The following MGA variants were observed in gnomAD, a reference collection of about 807,000 sequenced individuals.
MGA encodes MAX gene-associated protein.
MGA carries 40 observed loss-of-function variants against 261.1 expected under a neutral mutation model. The ratio of observed to expected loss-of-function variants is 0.15; its 90% CI spans 0.12 to 0.20. MGA has a LOEUF of 0.20. MGA is among the 10% of genes least tolerant of loss of function. MGA has a pLI of 1.00. For missense variants in MGA, 3,397 were observed against 3,630.5 expected, an observed-to-expected ratio of 0.94 and a Z score of 1.65; for synonymous variants, 1,302 against 1,290.6, an observed-to-expected ratio of 1.01 and a Z score of -0.19.
chr15:41,680,530 G>C (rs910336357), intron 2 of MGA, among the ~76,000 whole-genome samples: 1 of 152,170 alleles, frequency 6.6e-6, no homozygotes, highest in African/African-American at 2.4e-5. Flanking sequence ...CTTTTCACCA[G>C]TTGGCTACAA....
chr15:41,669,065 A>C lies in MGA; in HGVS notation c.171A>C (p.Pro57=). The C allele has an allele frequency of 6.2e-7, 1 of 1,610,958 alleles. No individual in the cohort carries two copies. The highest frequency in any genetic ancestry group is 8.5e-7 in the Non-Finnish European group (1 of 1,177,216). ...CTTTGGCTAGTAGTGTGTCATCACC[A>C]GTAAAATCTAAAGGGAAGATTTGCC... The change falls in exon 2 of 24, where the codon CCA becomes CCC. Residue 57 remains proline (P), a synonymous_variant. Transcript: ENST00000219905.
At chr15:41,633,841 G>T (rs1026125969) in intron 1 of MGA, among the ~76,000 whole-genome samples, 10 of 152,176 alleles carry the variant, frequency 6.6e-5, no homozygotes, top group African/African-American at 2.2e-4. Flanking sequence ...CCTATTTCTG[G>T]CAAAATAAAA....
chr15:41,720,941 G>A (rs1300163958), intron 9 of MGA, among the ~76,000 whole-genome samples: 1 of 152,186 alleles, frequency 6.6e-6, no homozygotes, highest in Non-Finnish European at 1.5e-5. Context: ...AATGGTGATA[G>A]GATTATTGTA....
intron 2 of MGA, among the ~76,000 whole-genome samples, chr15:41,675,545 TA>T (rs1265310720): frequency 6.6e-6 from 1 of 152,070 alleles, no homozygotes; most frequent in Admixed American, 6.6e-5. Flanking sequence ...AGTTAATTTT[TA>T]AAAAAGATTT....
upstream of MGA, among the ~76,000 whole-genome samples, chr15:41,655,542 T>C (rs984312230): frequency 6.6e-6 from 1 of 152,220 alleles, no homozygotes; most frequent in African/African-American, 2.4e-5. Flanking sequence ...TAAATAGTTA[T>C]ACTTTTTTTT....
intron 1 of MGA, among the ~76,000 whole-genome samples, chr15:41,665,158 G>A (rs1314245682): frequency 1.3e-5 from 2 of 152,128 alleles, no homozygotes; most frequent in Non-Finnish European, 2.9e-5. Context: ...TGTAAGAAGA[G>A]GTAAAATTCA....
chr15:41,762,206 A>G lies in MGA; in HGVS notation c.7588A>G (p.Lys2530Glu), dbSNP rs1302771836. The change falls in exon 22 of 24, where the codon AAA becomes GAA. Residue 2530 changes from lysine (K) to glutamate (E), a missense_variant. This residue lies in a region of MGA where 647 missense variants were observed against 642.4 expected (regional missense o/e 1.01). Coordinates refer to ENST00000219905, the MANE Select transcript of MGA (RefSeq NM_001164273.2). ...GCAAGCACTAGAGGCACAAAAAAGA[A>G]AAAAGAAGATGGGATCAGATGAGTT... 4.3e-6 allele frequency: 7 copies of G among 1,614,002 alleles called. No individual in the cohort carries two copies. The highest frequency in any genetic ancestry group is 5.9e-6 in the Non-Finnish European group (7 of 1,179,880).
chr15:41,750,085 G>A lies in MGA; in HGVS notation c.6478G>A (p.Glu2160Lys). Residue 2160 changes from glutamate (E) to lysine (K), a missense_variant, in exon 17 of 24, where the codon GAG (glutamate) becomes AAG (lysine). By Grantham distance (56) the Glu-to-Lys change is moderately conservative. This residue lies in a region of MGA where 1,410 missense variants were observed against 1,386.4 expected (regional missense o/e 1.02). Transcript: ENST00000219905. The stretch of plus-strand genomic sequence containing the variant: ...ATCTAATCTACAGCCAGAGGCCAAA[G>A]AGAAGGAATGTGGAGACTCTCTGGA... 1 of 1,613,246 alleles carries A rather than the reference G, an allele frequency of 6.2e-7. No homozygotes were observed. Among genetic ancestry groups the A allele is most frequent in the Non-Finnish European group, 8.5e-7 (1 of 1,179,680 alleles).
chr15:41,720,781 C>T (rs781035154), intron 9 of MGA, among the ~76,000 whole-genome samples: 1 of 151,860 alleles, frequency 6.6e-6, no homozygotes, highest in Non-Finnish European at 1.5e-5. Context: ...TGCAGTGAGC[C>T]GAGATTGCAC....
At chr15:41,727,544 G>T in intron 10 of MGA, 138 bp downstream of exon 10, 1 of 789,086 alleles carries the variant, frequency 1.3e-6, no homozygotes, top group Non-Finnish European at 2.0e-6. Context: ...CTTCCTTTCT[G>T]GTTTAATCAG....
At chr15:41,728,474 TAAAC>T (rs1339206452) in intron 10 of MGA, among the ~76,000 whole-genome samples, 6 of 152,206 alleles carry the variant, frequency 3.9e-5, no homozygotes, top group Non-Finnish European at 1.5e-5. Flanking sequence ...ACCAATAACA[TAAAC>T]AGTCAACACA....
intron 1 of MGA, among the ~76,000 whole-genome samples, chr15:41,622,574 C>A (rs186290359): frequency 6.6e-6 from 1 of 152,080 alleles, no homozygotes; most frequent in South Asian, 2.1e-4. Flanking sequence ...GACATCTAAT[C>A]CCTATGTATT....
At position 41,710,741 on chromosome 15, in the gene MGA, A is replaced by G; in HGVS notation, c.2476A>G (p.Lys826Glu). The G allele has an allele frequency of 6.2e-7, 1 of 1,613,670 alleles. No homozygotes were observed. Among genetic ancestry groups the G allele is most frequent in the East Asian group, 2.2e-5 (1 of 44,876 alleles). ...AAATCGTTCTGCTTTCTGTAGTGAT[A>G]AGCTAGATGAATACTTGGAAAATGA... The change falls in exon 8 of 24, where the codon AAG (lysine) becomes GAG (glutamate). Residue 826 changes from lysine (K) to glutamate (E), a missense_variant. Physicochemically the swap from Lys to Glu is moderately conservative, Grantham distance 56 (BLOSUM62 1). Around this residue, in one of 9 missense-constraint regions of MGA, gnomAD observed 519 missense variants for 554.1 expected, o/e 0.94. Coordinates refer to ENST00000219905, the MANE Select transcript of MGA (RefSeq NM_001164273.2).
In MGA at chr15:41,734,159, C is replaced by T. The variant is rs189805957; in HGVS notation, c.3844-363C>T. Among the ~76,000 whole-genome samples the T allele has an allele frequency of 2.0e-3, 298 of 152,086 alleles. 2 individuals are homozygous for T. The highest frequency in any genetic ancestry group is 6.9e-3 in the African/African-American group (288 of 41,468). Reference sequence around the variant, plus strand: ...CTGGGCTCAAGTGATCTTCCCACCTCGGCCTCTCGGAATGCTGGGATTGCA... The same window carrying T: ...CTGGGCTCAAGTGATCTTCCCACCTTGGCCTCTCGGAATGCTGGGATTGCA... On this transcript the variant is annotated intron_variant, in intron 11 of 23. Transcript: ENST00000219905.
chr15:41,724,531 A>G (rs1206236801), intron 9 of MGA, among the ~76,000 whole-genome samples: 1 of 152,132 alleles, frequency 6.6e-6, no homozygotes, highest in Admixed American at 6.5e-5. Flanking sequence ...TAAAAAAGTT[A>G]AAATTAAAAA....
At chr15:41,705,589 C>T (rs764497648) in intron 5 of MGA, among the ~76,000 whole-genome samples, 2 of 152,074 alleles carry the variant, frequency 1.3e-5, no homozygotes, top group East Asian at 2.0e-4. Context: ...CTTGAACTTT[C>T]GGGCTCAACC....
At chr15:41,629,458 G>A (rs992194121) in intron 1 of MGA, among the ~76,000 whole-genome samples, 1 of 152,078 alleles carries the variant, frequency 6.6e-6, no homozygotes, top group Non-Finnish European at 1.5e-5. Context: ...AGAGCCTAGG[G>A]TCAAGATCAG....
At chr15:41,706,326 C>CTTT (rs879582074) in intron 5 of MGA, among the ~76,000 whole-genome samples, 2 of 138,744 alleles carry the variant, frequency 1.4e-5, no homozygotes, top group African/African-American at 5.3e-5. Context: ...AAATAGCTGT[C>CTTT]TTTTTTTTTT....
upstream of MGA, among the ~76,000 whole-genome samples, chr15:41,655,889 A>C (rs1427557187): frequency 6.6e-6 from 1 of 152,350 alleles, no homozygotes; most frequent in African/African-American, 2.4e-5. Flanking sequence ...CTGTTTTCCA[A>C]ACCTCACATT....
Sources: gnomAD v4.1 joint callset for allele counts (sites outside exome capture counted in the v4.1 genomes callset) on GRCh38, gnomAD v4.1.1 for gene constraint, gnomAD v4.1.1 regional missense constraint, MANE v1.5 for transcripts, NCBI Gene and HGNC (gene_info 2026-07-23, HGNC 2026-07-21) for gene names.